PLPPR5: variants seen among roughly 807,000 people sequenced by gnomAD.
PLPPR5 encodes phospholipid phosphatase-related protein type 5.
A neutral mutation model predicts 33.9 loss-of-function variants in PLPPR5; 16 were observed. The ratio of observed to expected loss-of-function variants is 0.47; its 90% CI spans 0.32 to 0.72. PLPPR5 has a LOEUF of 0.72. Ranked by LOEUF, PLPPR5 falls within the 30% of genes least tolerant of loss-of-function variation. The pLI, the probability that PLPPR5 is intolerant of heterozygous loss-of-function variation, is 0.03. For missense variants in PLPPR5, 301 were observed against 406.7 expected (o/e 0.74, Z 2.23); for synonymous variants, 163 against 150.3 (o/e 1.08, Z -0.62).
At chr1:98,975,680 G>A (rs964512168) in intron 1 of PLPPR5, among the ~76,000 whole-genome samples, 16 of 152,006 alleles carry the variant, frequency 1.1e-4, no homozygotes, top group African/African-American at 3.9e-4. Context: ...AAAAAGGGTC[G>A]GCTGGGACCC....
At chr1:99,001,726 C>CA (rs2100770155) in intron 1 of PLPPR5, among the ~76,000 whole-genome samples, 1 of 124,936 alleles carries the variant, frequency 8.0e-6, no homozygotes, top group African/African-American at 3.0e-5. Flanking sequence ...TACTACAGGA[C>CA]AAAAAATGTA....
intron 1 of PLPPR5, among the ~76,000 whole-genome samples, chr1:98,981,366 G>A (rs928626477): frequency 1.3e-5 from 2 of 151,964 alleles, no homozygotes; most frequent in Non-Finnish European, 2.9e-5. Context: ...TCCCAGTCTA[G>A]GCATTGTTGT....
At chr1:98,897,869 C>A (rs763512575) in intron 5 of PLPPR5, among the ~76,000 whole-genome samples, 2 of 152,010 alleles carry the variant, frequency 1.3e-5, no homozygotes, top group Non-Finnish European at 2.9e-5. Flanking sequence ...GGATTATATA[C>A]ACAAAGGTCC....
intron 2 of PLPPR5, among the ~76,000 whole-genome samples, chr1:98,954,012 A>C (rs1650905259): frequency 6.6e-6 from 1 of 152,190 alleles, no homozygotes; most frequent in East Asian, 1.9e-4. Context: ...TAAACAAGGC[A>C]ATCAAAATTA....
At position 99,004,607 on chromosome 1, in the gene PLPPR5, C is replaced by T. The variant is rs1330353934; in HGVS notation, c.65G>A (p.Gly22Glu). Reference protein sequence around the residue: ...MLYFQMVIMAGTVMLAYYFEY... With the variant: ...MLYFQMVIMAETVMLAYYFEY... ...GAAGTAGTACGCCAGCATCACCGTC[C>T]CTGCCATGATCACCATCTGGAAATA... Residue 22 changes from glycine (G) to glutamate (E), a missense_variant, in exon 1 of 6, where the codon GGG (glycine) becomes GAG (glutamate). By Grantham distance (98) the Gly-to-Glu change is moderately conservative. Coordinates refer to ENST00000263177, the MANE Select transcript of PLPPR5 (RefSeq NM_001037317.2). 6.2e-7 allele frequency: 1 copy of T among 1,613,066 alleles called. No individual in the cohort carries two copies. The highest frequency in any genetic ancestry group is 8.5e-7 in the Non-Finnish European group (1 of 1,179,814).
intron 2 of PLPPR5, among the ~76,000 whole-genome samples, chr1:98,954,952 T>C (rs2101216439): frequency 1.0e-5 from 1 of 99,104 alleles, no homozygotes; most frequent in Non-Finnish European, 1.9e-5. Context: ...CTTGACACTT[T>C]AAAGTTCCCA....
intron 1 of PLPPR5, among the ~76,000 whole-genome samples, chr1:98,985,138 T>C (rs1433970424): frequency 3.3e-5 from 5 of 152,184 alleles, no homozygotes; most frequent in African/African-American, 9.6e-5. Context: ...GAACAATAGA[T>C]GACGGCTGTC....
intron 1 of PLPPR5, among the ~76,000 whole-genome samples, chr1:98,961,530 G>A (rs866889349): frequency 9.9e-5 from 15 of 152,246 alleles, no homozygotes; most frequent in Admixed American, 2.6e-4. Flanking sequence ...TAGCAATGTC[G>A]CTATTAAAGC....
Position 98,994,214 on chromosome 1 carries a change from G to T in PLPPR5, c.237+10221C>A, listed in dbSNP as rs183563558. 1.1e-4 allele frequency among the ~76,000 whole-genome samples: 17 copies of T among 151,912 alleles called. No homozygotes were observed. In the East Asian group the frequency reaches 2.9e-3, roughly 26 times the overall value. ...AGGGAGGGAGAAAGGAAAGAAGGGG[G>T]AAATGAAGGGAGAGAAGGAAAAAAA... On this transcript the variant is annotated intron_variant, in intron 1 of 5. Coordinates refer to ENST00000263177, the MANE Select transcript of PLPPR5 (RefSeq NM_001037317.2).
At chr1:98,949,035 G>C (rs1235933727) in intron 3 of PLPPR5, among the ~76,000 whole-genome samples, 1 of 151,968 alleles carries the variant, frequency 6.6e-6, no homozygotes, top group African/African-American at 2.4e-5. Context: ...ATTTATATGA[G>C]GTTAACTGGA....
chr1:98,922,518 CA>C (rs1649602471), intron 3 of PLPPR5, among the ~76,000 whole-genome samples: 1 of 152,112 alleles, frequency 6.6e-6, no homozygotes, highest in Admixed American at 6.5e-5. Context: ...TAAAAACCAG[CA>C]TTATGAATAC....
intron 5 of PLPPR5, among the ~76,000 whole-genome samples, chr1:98,895,723 C>T (rs1298322899): frequency 6.6e-6 from 1 of 152,016 alleles, no homozygotes; most frequent in Non-Finnish European, 1.5e-5. Context: ...TTCCATTTCA[C>T]ATCACTTAAG....
At chr1:98,926,204 A>G (rs1649758114) in intron 3 of PLPPR5, among the ~76,000 whole-genome samples, 1 of 152,066 alleles carries the variant, frequency 6.6e-6, no homozygotes, top group Admixed American at 6.6e-5. Flanking sequence ...CACTCTGCAC[A>G]CTCTAGTGCT....
intron 5 of PLPPR5, among the ~76,000 whole-genome samples, chr1:98,899,658 G>GT (rs397967481): frequency 0.097 from 10,046 of 103,292 alleles, 694 homozygotes; most frequent in East Asian, 0.39. Flanking sequence ...TATTTCACTT[G>GT]TTTTTTTTTT....
At chr1:98,910,497 T>C (rs1649079142) in intron 5 of PLPPR5, among the ~76,000 whole-genome samples, 1 of 152,166 alleles carries the variant, frequency 6.6e-6, no homozygotes, top group African/African-American at 2.4e-5. Context: ...TTTCTGGTCA[T>C]AAAGACATCA....
chr1:98,976,683 T>C (rs1208083481), intron 1 of PLPPR5, among the ~76,000 whole-genome samples: 1 of 152,024 alleles, frequency 6.6e-6, no homozygotes, highest in Non-Finnish European at 1.5e-5. Flanking sequence ...TTCGAAGACT[T>C]AGTACAAAAA....
intron 5 of PLPPR5, among the ~76,000 whole-genome samples, chr1:98,905,627 A>C (rs533744715): frequency 4.6e-5 from 7 of 152,016 alleles, no homozygotes; most frequent in Non-Finnish European, 8.8e-5. Flanking sequence ...CTTTTCTTAT[A>C]TATCTTCTAC....
intron 4 of PLPPR5, among the ~76,000 whole-genome samples, chr1:98,915,488 C>T (rs977995): frequency 0.5 from 75,839 of 151,652 alleles, 19,767 homozygotes; most frequent in East Asian, 0.76. Flanking sequence ...GAAAACCCTC[C>T]GCATAAAACA....
At chr1:98,997,245 A>G (rs185628154) in intron 1 of PLPPR5, among the ~76,000 whole-genome samples, 6 of 152,264 alleles carry the variant, frequency 3.9e-5, no homozygotes, top group Admixed American at 3.9e-4. Flanking sequence ...TTACAGATTA[A>G]AAAAACTGAG....
Sources: allele counts gnomAD v4.1 joint callset (sites outside exome capture counted in the v4.1 genomes callset), GRCh38; gene constraint gnomAD v4.1.1; transcripts MANE v1.5; gene names NCBI Gene and HGNC (gene_info 2026-07-23, HGNC 2026-07-21).